SNX9: variants seen among roughly 807,000 people sequenced by gnomAD.
SNX9 encodes the protein sorting nexin-9.
Under a neutral mutation model 89.4 loss-of-function variants are expected in SNX9, and 44 were observed. That is an observed-to-expected ratio of 0.49 (90% CI 0.39 to 0.63). The LOEUF (loss-of-function observed/expected upper bound fraction) is 0.63. SNX9 is among the 30% of genes least tolerant of loss of function. The pLI is 0.00. For synonymous variants in SNX9, 236 were observed against 247.8 expected (o/e 0.95, Z 0.45); for missense variants, 578 against 736.1 (o/e 0.79, Z 2.49).
chr6:157,869,505 G>C (rs781078286), intron 2 of SNX9, among the ~76,000 whole-genome samples: 3 of 152,136 alleles, frequency 2.0e-5, no homozygotes, highest in Admixed American at 6.5e-5. Flanking sequence ...AGGCCCCCAA[G>C]GCTAAGTCAC....
chr6:157,898,888 G>A (rs544823614), intron 5 of SNX9, among the ~76,000 whole-genome samples: 247 of 152,334 alleles, frequency 1.6e-3, no homozygotes, highest in African/African-American at 5.7e-3. Context: ...AGGGGTGTGG[G>A]CTGGGTAGAA....
At chr6:157,924,993 G>A (rs561618431) in intron 10 of SNX9, among the ~76,000 whole-genome samples, 1 of 152,302 alleles carries the variant, frequency 6.6e-6, no homozygotes, top group East Asian at 1.9e-4. Flanking sequence ...AGAGAGCAGG[G>A]AAGAATTTCT....
intron 4 of SNX9, among the ~76,000 whole-genome samples, chr6:157,889,676 A>G (rs1782816020): frequency 6.6e-6 from 1 of 152,170 alleles, no homozygotes; most frequent in Admixed American, 6.5e-5. Flanking sequence ...AATAGAAAAT[A>G]TCTTAAGCCT....
Position 157,881,189 on chromosome 6 carries a change from C to T in SNX9, c.300+6013C>T, listed in dbSNP as rs1319435694. Among the ~76,000 whole-genome samples, 3 of 152,126 alleles carry T rather than the reference C, an allele frequency of 2.0e-5. No individual in the cohort carries two copies. In the East Asian group the frequency reaches 5.8e-4, roughly 29 times the overall value. On this transcript the variant is annotated intron_variant, in intron 4 of 17. Transcript: ENST00000392185. ...GTCTCTGTTTCACGTTTTGTTAATTCTTGCAATGTTTCATACTTTTTCATC... is the reference window on the plus strand; with the variant it reads ...GTCTCTGTTTCACGTTTTGTTAATTTTTGCAATGTTTCATACTTTTTCATC...
At chr6:157,828,899 ATGGC>A (rs1051768441) in intron 1 of SNX9, among the ~76,000 whole-genome samples, 60 of 152,154 alleles carry the variant, frequency 3.9e-4, no homozygotes, top group African/African-American at 1.4e-3. Context: ...TCTATAACTG[ATGGC>A]TGGCTCCTTT....
intron 15 of SNX9, 42 bp from the exon 16 acceptor site, chr6:157,938,591 C>A: frequency 1.5e-6 from 2 of 1,310,798 alleles, no homozygotes; most frequent in South Asian, 1.2e-5. Flanking sequence ...AATGACTAAT[C>A]ATTTCAGCTT....
chr6:157,897,033 C>T, intron 5 of SNX9, 35 bp downstream of exon 5: 2 of 1,533,466 alleles, frequency 1.3e-6, no homozygotes, highest in Non-Finnish European at 1.7e-6. Flanking sequence ...ACCCTGCCCG[C>T]CCATGGCTGA....
At position 157,876,695 on chromosome 6, in the gene SNX9, T is replaced by C. The variant is rs565381764; in HGVS notation, c.300+1519T>C. Among the ~76,000 whole-genome samples the C allele has an allele frequency of 2.0e-5, 3 of 152,240 alleles. No homozygotes were observed. In the East Asian group the frequency reaches 5.8e-4, roughly 29 times the overall value. On this transcript the variant is annotated intron_variant, in intron 4 of 17. Transcript: ENST00000392185. Reference sequence around the variant, plus strand: ...GGTAAGGGTTACTCACTGTGAAACGTGAATAGTAGTTATACCTCACTGGAA... The same window carrying C: ...GGTAAGGGTTACTCACTGTGAAACGCGAATAGTAGTTATACCTCACTGGAA...
At chr6:157,901,777 T>G in intron 5 of SNX9, 121 bp from the exon 6 acceptor site, 1 of 1,166,754 alleles carries the variant, frequency 8.6e-7, no homozygotes, top group Non-Finnish European at 1.2e-6. Context: ...TATACCCTTT[T>G]CTCCATCAAA....
At chr6:157,938,383 T>C (rs1224127928) in intron 15 of SNX9, among the ~76,000 whole-genome samples, 1 of 152,254 alleles carries the variant, frequency 6.6e-6, no homozygotes, top group Non-Finnish European at 1.5e-5. Flanking sequence ...GTGTGCTGTT[T>C]GCTTTTCTCT....
rs567584997 is a variant in SNX9 at position 157,888,675 on chromosome 6, T to C, written c.301-8152T>C. ...CCATATATAAGGTAAATTTCAAACT[T>C]GAACACAAGAGGAAATAAACATTTA... On this transcript the variant is annotated intron_variant, in intron 4 of 17. Coordinates refer to ENST00000392185, the MANE Select transcript of SNX9 (RefSeq NM_016224.5). 2.6e-5 allele frequency among the ~76,000 whole-genome samples: 4 copies of C among 152,316 alleles called. No homozygotes were observed. The East Asian group carries it at 7.7e-4, about 29-fold the overall frequency.
chr6:157,852,821 A>C (rs1336705600), intron 1 of SNX9, among the ~76,000 whole-genome samples: 5 of 151,998 alleles, frequency 3.3e-5, no homozygotes, highest in African/African-American at 9.7e-5. Context: ...CGATCTGTCC[A>C]CCTCGGCCTC....
intron 1 of SNX9, among the ~76,000 whole-genome samples, chr6:157,852,812 G>A (rs947940654): frequency 6.6e-6 from 1 of 152,070 alleles, no homozygotes; most frequent in African/African-American, 2.4e-5. Context: ...GAGTTTGTGC[G>A]ATCTGTCCAC....
At chr6:157,844,594 T>TTTTG (rs1554291785) in intron 1 of SNX9, among the ~76,000 whole-genome samples, 16 of 137,688 alleles carry the variant, frequency 1.2e-4, no homozygotes, top group African/African-American at 4.7e-4. Flanking sequence ...CTTGTTTTTT[T>TTTTG]TTTTTGTTTT....
rs529482028 is a variant in SNX9 at position 157,906,581 on chromosome 6, A to T, written c.705+369A>T. 9.8e-5 allele frequency among the ~76,000 whole-genome samples: 15 copies of T among 152,348 alleles called. No individual in the cohort carries two copies. The South Asian group carries it at 2.9e-3, about 29-fold the overall frequency. ...TTCCCTTGTAAAGTACATGTATGTT[A>T]TCAGAATAAGGTACCCTTTCAGATA... On this transcript the variant is annotated intron_variant, in intron 7 of 17. Coordinates refer to ENST00000392185, the MANE Select transcript of SNX9 (RefSeq NM_016224.5).
intron 6 of SNX9, among the ~76,000 whole-genome samples, chr6:157,904,012 A>G (rs1387628309): frequency 6.6e-6 from 1 of 152,228 alleles, no homozygotes; most frequent in East Asian, 1.9e-4. Context: ...ACAATTATAA[A>G]AAATGTTTTT....
intron 4 of SNX9, among the ~76,000 whole-genome samples, chr6:157,878,692 A>G (rs552603201): frequency 2.6e-4 from 39 of 152,210 alleles, no homozygotes; most frequent in Admixed American, 1.2e-3. Flanking sequence ...CAGCCTCCCA[A>G]TTGCATCCGG....
At chr6:157,906,013 C>T in intron 6 of SNX9, 115 bp from the exon 7 acceptor site, 1 of 757,150 alleles carries the variant, frequency 1.3e-6, no homozygotes, top group Non-Finnish European at 2.1e-6. Context: ...GTTTCCAGTT[C>T]TAGTGCACCC....
chr6:157,869,612 C>T (rs1782347491), intron 2 of SNX9, among the ~76,000 whole-genome samples: 1 of 152,200 alleles, frequency 6.6e-6, no homozygotes, highest in African/African-American at 2.4e-5. Flanking sequence ...AGCTCTCATC[C>T]TCTTGCCTGG....
Sources: allele counts gnomAD v4.1 joint callset (sites outside exome capture counted in the v4.1 genomes callset), GRCh38; gene constraint gnomAD v4.1.1; transcripts MANE v1.5; gene names NCBI Gene and HGNC (gene_info 2026-07-23, HGNC 2026-07-21).